RCAN1: variants seen among roughly 807,000 people sequenced by gnomAD.
The protein encoded by RCAN1 is calcipressin-1.
RCAN1 carries 11 observed loss-of-function variants against 22.9 expected under a neutral mutation model. The observed-to-expected ratio is 0.48, with a 90% CI of 0.30 to 0.79. The LOEUF (loss-of-function observed/expected upper bound fraction) is 0.79. RCAN1 is among the 30% of genes least tolerant of loss of function. The probability of loss-of-function intolerance (pLI) is 0.06; values close to 1 mark genes in which losing one functional copy is unlikely to be tolerated. For synonymous variants in RCAN1, 136 were observed against 142.3 expected, an observed-to-expected ratio of 0.96 and a Z score of 0.32; for missense variants, 291 against 337.8, an observed-to-expected ratio of 0.86 and a Z score of 1.09.
intron 1 of RCAN1, among the ~76,000 whole-genome samples, chr21:34,594,452 TG>T (rs1177376420): frequency 6.6e-6 from 1 of 152,128 alleles, no homozygotes; most frequent in African/African-American, 2.4e-5. Context: ...CTCCAGAGGT[TG>T]GGACAGGAGA....
At position 34,533,115 on chromosome 21, in the gene RCAN1, C is replaced by G. The variant is rs374516109; in HGVS notation, c.253-9405G>C. On this transcript the variant is annotated intron_variant, in intron 1 of 3. Coordinates refer to ENST00000313806, the MANE Select transcript of RCAN1 (RefSeq NM_004414.7). ...AGCTGGGACTACAGGTGCCCGCCAC[C>G]ACGCCCGGCTAATTTTTTGTATTTT... Among the ~76,000 whole-genome samples the G allele has an allele frequency of 6.6e-5, 10 of 151,914 alleles. No homozygotes were observed. In the South Asian group the frequency reaches 1.0e-3, roughly 16 times the overall value.
At chr21:34,521,285 G>A (rs777773502) in intron 3 of RCAN1, 20 of 1,445,554 alleles carry the variant, frequency 1.4e-5, no homozygotes, top group East Asian at 5.0e-5. Flanking sequence ...GGGTCCCCAC[G>A]ATCAGCCGCA....
At chr21:34,523,159 G>C (rs1462124713) in intron 2 of RCAN1, 1 of 175,732 alleles carries the variant, frequency 5.7e-6, no homozygotes, top group African/African-American at 2.4e-5. Context: ...ACTCTGGTCT[G>C]CTCAGTCTAG....
intron 1 of RCAN1, among the ~76,000 whole-genome samples, chr21:34,571,216 C>A (rs1156902733): frequency 6.6e-6 from 1 of 152,118 alleles, no homozygotes; most frequent in Non-Finnish European, 1.5e-5. Flanking sequence ...TCACTTGAAC[C>A]CGGGAGGCGG....
intron 1 of RCAN1, among the ~76,000 whole-genome samples, chr21:34,572,508 G>A (rs1044222523): frequency 6.6e-6 from 1 of 152,156 alleles, no homozygotes; most frequent in African/African-American, 2.4e-5. Context: ...TGTTTTATGT[G>A]TTGGAGTTCA....
intron 1 of RCAN1, among the ~76,000 whole-genome samples, chr21:34,530,029 T>C (rs541120011): frequency 3.9e-5 from 6 of 152,352 alleles, no homozygotes; most frequent in African/African-American, 1.4e-4. Context: ...TGTGGAACTG[T>C]AAGTCCAATT....
chr21:34,547,049 G>A (rs992698876), intron 1 of RCAN1, among the ~76,000 whole-genome samples: 1 of 152,190 alleles, frequency 6.6e-6, no homozygotes, highest in African/African-American at 2.4e-5. Flanking sequence ...GAGTAAGACA[G>A]TAAATTCTGT....
intron 3 of RCAN1, among the ~76,000 whole-genome samples, chr21:34,519,381 TTTTC>T (rs1164919554): frequency 2.0e-5 from 3 of 146,388 alleles, no homozygotes; most frequent in African/African-American, 5.0e-5. Flanking sequence ...TCTTTTTTCT[TTTTC>T]TTTCTTTCTT....
At chr21:34,564,276 G>C (rs1257174990) in intron 1 of RCAN1, among the ~76,000 whole-genome samples, 1 of 152,184 alleles carries the variant, frequency 6.6e-6, no homozygotes, top group Non-Finnish European at 1.5e-5. Context: ...TTCAAGATGA[G>C]ATTTCGGGTG....
chr21:34,546,907 G>A (rs1266928887), intron 1 of RCAN1, among the ~76,000 whole-genome samples: 1 of 152,166 alleles, frequency 6.6e-6, no homozygotes, highest in African/African-American at 2.4e-5. Context: ...TTTAAGTGGA[G>A]AAAATGATTA....
intron 1 of RCAN1, among the ~76,000 whole-genome samples, chr21:34,584,270 C>T (rs1987715602): frequency 6.6e-6 from 1 of 152,160 alleles, no homozygotes; most frequent in Admixed American, 6.5e-5. Flanking sequence ...CTCAATTGTG[C>T]TAGAAATAGC....
In RCAN1 at chr21:34,615,007, T is replaced by C. The variant is rs1392426041; in HGVS notation, c.5A>G (p.Glu2Gly). Residue 2 changes from glutamate (E) to glycine (G), a missense_variant, in exon 1 of 4, where the codon GAG (glutamate) becomes GGG (glycine). Coordinates refer to ENST00000313806, the MANE Select transcript of RCAN1 (RefSeq NM_004414.7). Reference protein sequence around the residue: MEDGVAGPQLGA... With the variant: MGDGVAGPQLGA... The stretch of plus-strand genomic sequence containing the variant: ...GAGCTGGGGACCGGCCACGCCGTCC[T>C]CCATCCCCGCGCCCGCGCGACCCTG... 1.6e-5 allele frequency: 17 copies of C among 1,068,810 alleles called. No homozygotes were observed. In the East Asian group the frequency reaches 1.2e-3, roughly 77 times the overall value. 66.2% of individuals were successfully genotyped at this position (1,068,810 alleles called of 1,614,324 possible).
chr21:34,521,031 G>T, intron 3 of RCAN1: 1 of 1,139,634 alleles, frequency 8.8e-7, no homozygotes, highest in Non-Finnish European at 1.1e-6. Context: ...CATGGCCTAT[G>T]GTTCTCCTTC....
chr21:34,597,436 G>A (rs1202336244), intron 1 of RCAN1, among the ~76,000 whole-genome samples: 3 of 152,226 alleles, frequency 2.0e-5, no homozygotes, highest in East Asian at 1.9e-4. Flanking sequence ...GGGCAGCATC[G>A]AGAGTGTGCA....
In RCAN1 at chr21:34,525,477, G is replaced by C. The variant is rs1349128135; in HGVS notation, c.253-1767C>G. 5 of 1,210,274 alleles carry C rather than the reference G, an allele frequency of 4.1e-6. No homozygotes were observed. In the Admixed American group the frequency reaches 1.5e-4, roughly 37 times the overall value. The allele number at this position is 1,210,274 out of a possible 1,614,324, so 75.0% of individuals were successfully genotyped here. A position where few individuals can be genotyped will look rare whatever the true frequency, so the allele number is the denominator to read the frequency against. ...GCACGGGCAAGTTTCTGGCAAAAGTGTGTCTTCGTACATTTGGAATTTTGT... is the reference window on the plus strand; with the variant it reads ...GCACGGGCAAGTTTCTGGCAAAAGTCTGTCTTCGTACATTTGGAATTTTGT... On this transcript the variant is annotated intron_variant, in intron 1 of 3. Coordinates refer to ENST00000313806, the MANE Select transcript of RCAN1 (RefSeq NM_004414.7).
chr21:34,526,643 C>A (rs78148269), intron 1 of RCAN1: 1 of 1,605,762 alleles, frequency 6.2e-7, no homozygotes, highest in African/African-American at 1.3e-5. Flanking sequence ...AAGAAAATCA[C>A]GTTATATTAG....
At chr21:34,573,965 C>G (rs1987322063) in intron 1 of RCAN1, among the ~76,000 whole-genome samples, 1 of 152,040 alleles carries the variant, frequency 6.6e-6, no homozygotes, top group South Asian at 2.1e-4. Context: ...ATTTAGGAGG[C>G]CCAGCATTAC....
chr21:34,562,637 A>G (rs1379389241), intron 1 of RCAN1, among the ~76,000 whole-genome samples: 1 of 152,216 alleles, frequency 6.6e-6, no homozygotes, highest in Non-Finnish European at 1.5e-5. Flanking sequence ...TCCATTGTCA[A>G]CGGTGGTATC....
intron 1 of RCAN1, among the ~76,000 whole-genome samples, chr21:34,582,024 TC>T (rs1046014644): frequency 2.0e-5 from 3 of 152,138 alleles, no homozygotes; most frequent in African/African-American, 7.2e-5. Context: ...CAAGGTGTAT[TC>T]TGGGCACGAG....
Sources: gnomAD v4.1 joint callset for allele counts (sites outside exome capture counted in the v4.1 genomes callset) on GRCh38, gnomAD v4.1.1 for gene constraint, MANE v1.5 for transcripts, NCBI Gene and HGNC (gene_info 2026-07-23, HGNC 2026-07-21) for gene names.